The following TMEM132D variants were observed in gnomAD, a reference collection of about 807,000 sequenced individuals.
TMEM132D encodes the protein transmembrane protein 132D, also known as mature OL transmembrane protein.
In TMEM132D, 21 loss-of-function variants were observed where a neutral mutation model predicts 62.3. The observed-to-expected ratio is 0.34, with a 90% CI of 0.24 to 0.49. TMEM132D has a LOEUF of 0.49. Among genes scored for constraint, TMEM132D ranks in the 20% least tolerant of loss-of-function variants. The pLI, the probability that TMEM132D is intolerant of heterozygous loss-of-function variation, is 0.99. For synonymous variants in TMEM132D, 621 were observed against 575.6 expected (o/e 1.08, Z -1.13); for missense variants, 1,346 against 1,402.8 (o/e 0.96, Z 0.65).
At chr12:129,589,729 C>T (rs1463666937) in intron 2 of TMEM132D, among the ~76,000 whole-genome samples, 1 of 152,172 alleles carries the variant, frequency 6.6e-6, no homozygotes, top group Non-Finnish European at 1.5e-5. Context: ...TTGAGCAAAT[C>T]TACAGCCACA....
chr12:129,156,463 T>A (rs757551434), intron 5 of TMEM132D, among the ~76,000 whole-genome samples: 2 of 152,088 alleles, frequency 1.3e-5, no homozygotes, highest in Non-Finnish European at 2.9e-5. Context: ...CCATGATAAC[T>A]AGTCAATTCC....
At chr12:129,099,295 G>A (rs1875216503) in intron 5 of TMEM132D, among the ~76,000 whole-genome samples, 1 of 152,108 alleles carries the variant, frequency 6.6e-6, no homozygotes, top group Non-Finnish European at 1.5e-5. Flanking sequence ...TTCTCTCCAT[G>A]CACACTGATT....
intron 1 of TMEM132D, among the ~76,000 whole-genome samples, chr12:129,750,332 G>T (rs1442385111): frequency 1.3e-5 from 2 of 152,146 alleles, no homozygotes; most frequent in Non-Finnish European, 2.9e-5. Context: ...GATCTGGCCT[G>T]CCTCGGCCTC....
At chr12:129,719,123 G>A (rs368113140) in intron 1 of TMEM132D, among the ~76,000 whole-genome samples, 6 of 150,746 alleles carry the variant, frequency 4.0e-5, no homozygotes, top group Admixed American at 1.3e-4. Context: ...GTGTAGTGGC[G>A]CATTCCTGTA....
chr12:129,159,389 C>T (rs202217045), intron 5 of TMEM132D, among the ~76,000 whole-genome samples: 2 of 151,938 alleles, frequency 1.3e-5, no homozygotes, highest in East Asian at 3.9e-4. Context: ...TCCTTTAACA[C>T]GGAGGAAATG....
intron 1 of TMEM132D, among the ~76,000 whole-genome samples, chr12:129,732,442 C>G (rs969889744): frequency 6.6e-6 from 1 of 152,142 alleles, no homozygotes; most frequent in Non-Finnish European, 1.5e-5. Flanking sequence ...GGAGGTATGA[C>G]CTGGTGAGAG....
rs184530178 is a variant in TMEM132D at position 129,081,841 on chromosome 12, A to G, written c.1841T>C (p.Met614Thr). The G allele has an allele frequency of 7.4e-5, 119 of 1,613,376 alleles. No homozygotes were observed. The highest frequency in any genetic ancestry group is 1.7e-4 in the Middle Eastern group (1 of 6,060). ...GGCGATCCTGGGCTCCTCCACCTGC[A>G]TGAAGTCATTTATCAGCTCCGTGAT... ...VDITELINDF[M>T]QVEEPRIAKL... is the part of the protein sequence containing the mutation. Residue 614 changes from methionine to threonine, a missense_variant, in exon 7 of 9, where the codon ATG becomes ACG. Coordinates refer to ENST00000422113, the MANE Select transcript of TMEM132D (RefSeq NM_133448.3).
chr12:129,782,215 C>G (rs61943422), intron 1 of TMEM132D, among the ~76,000 whole-genome samples: 9,078 of 152,248 alleles, frequency 0.06, 321 homozygotes, highest in East Asian at 0.1. Flanking sequence ...AATCTGAAAG[C>G]CTCCAGTGAA....
chr12:129,588,076 C>A (rs1246799142), intron 2 of TMEM132D, among the ~76,000 whole-genome samples: 2 of 152,200 alleles, frequency 1.3e-5, no homozygotes, highest in Non-Finnish European at 2.9e-5. Context: ...AGACAACTTG[C>A]CTTATTAGTC....
chr12:129,673,748 C>G (rs752595537), intron 2 of TMEM132D, among the ~76,000 whole-genome samples: 6 of 152,204 alleles, frequency 3.9e-5, no homozygotes, highest in Admixed American at 6.5e-5. Flanking sequence ...CAATGTCCTG[C>G]TTCTCCTGGA....
At chr12:129,110,354 CA>C (rs1875652129) in intron 5 of TMEM132D, 1 of 152,128 alleles carries the variant, frequency 6.6e-6, no homozygotes, top group Non-Finnish European at 1.5e-5. Flanking sequence ...CCCTCCCGAC[CA>C]TTGAGAAAGT....
At chr12:129,886,542 A>G (rs1462912927) in intron 1 of TMEM132D, among the ~76,000 whole-genome samples, 1 of 152,186 alleles carries the variant, frequency 6.6e-6, no homozygotes, top group Non-Finnish European at 1.5e-5. Context: ...CATATAATGT[A>G]GTTTAAACAG....
At chr12:129,275,801 G>A (rs1286410160) in intron 4 of TMEM132D, among the ~76,000 whole-genome samples, 3 of 152,198 alleles carry the variant, frequency 2.0e-5, no homozygotes, top group Non-Finnish European at 4.4e-5. Flanking sequence ...AAGAACGAGA[G>A]CAGGTCCCAG....
chr12:129,335,426 C>T (rs1344474258), intron 4 of TMEM132D, among the ~76,000 whole-genome samples: 2 of 152,158 alleles, frequency 1.3e-5, no homozygotes, highest in African/African-American at 4.8e-5. Context: ...GCATGAGCCA[C>T]CGCACCTAGT....
chr12:129,074,541 C>A lies in TMEM132D; in HGVS notation c.2634G>T (p.Leu878Phe), dbSNP rs555131. The A allele has an allele frequency of 0.033, 53,428 of 1,613,982 alleles. 1,414 individuals carry two copies. The highest frequency in any genetic ancestry group is 0.14 in the African/African-American group (10,311 of 74,942). ...TGGTGAGGTCGCTGGGGATGGTCTG[C>A]AAGTGGCTGTTGTCATCTAAAAGGC... ...QESLLDDNSH[L>F]QTIPSDLTSF... The change falls in exon 9 of 9, where the codon TTG becomes TTT. Residue 878 changes from leucine (L) to phenylalanine (F), a missense_variant. Transcript: ENST00000422113.
At chr12:129,459,729 T>G (rs902872410) in intron 3 of TMEM132D, among the ~76,000 whole-genome samples, 1 of 152,216 alleles carries the variant, frequency 6.6e-6, no homozygotes, top group African/African-American at 2.4e-5. Flanking sequence ...GTTTTTCATA[T>G]TTTTTACTCA....
chr12:129,234,817 T>C (rs1381829603), intron 4 of TMEM132D, among the ~76,000 whole-genome samples: 1 of 152,154 alleles, frequency 6.6e-6, no homozygotes, highest in African/African-American at 2.4e-5. Context: ...GCAATCTATG[T>C]GGGTGAAATC....
At chr12:129,893,204 G>C (rs1324369473) in intron 1 of TMEM132D, among the ~76,000 whole-genome samples, 1 of 152,102 alleles carries the variant, frequency 6.6e-6, no homozygotes, top group Non-Finnish European at 1.5e-5. Flanking sequence ...ACTTGGGCTA[G>C]TTATTTCAGA....
intron 4 of TMEM132D, among the ~76,000 whole-genome samples, chr12:129,252,351 T>G (rs1289019800): frequency 3.3e-5 from 5 of 152,086 alleles, no homozygotes; most frequent in African/African-American, 1.2e-4. Flanking sequence ...GAGGAGCAAT[T>G]TCCTTGGGTG....
Sources: allele counts gnomAD v4.1 joint callset (sites outside exome capture counted in the v4.1 genomes callset), GRCh38; gene constraint gnomAD v4.1.1; transcripts MANE v1.5; gene names NCBI Gene and HGNC (gene_info 2026-07-23, HGNC 2026-07-21).